Variants in SCFD2 observed in about 807,000 individuals in gnomAD.
SCFD2 encodes the protein sec1 family domain containing 2, also known as sec1 family domain-containing protein 2.
SCFD2 carries 54 observed loss-of-function variants against 58.9 expected under a neutral mutation model. The ratio of observed to expected loss-of-function variants is 0.92; its 90% confidence interval spans 0.74 to 1.15. SCFD2 has a LOEUF of 1.15. SCFD2 is among the 50% of genes most tolerant of loss of function. The pLI is 0.00. For missense variants in SCFD2, 805 were observed against 836.6 expected (o/e 0.96, Z 0.47); for synonymous variants, 321 against 335.9 (o/e 0.96, Z 0.49).
chr4:53,082,567 T>C (rs1207219144), intron 5 of SCFD2, among the ~76,000 whole-genome samples: 2 of 152,126 alleles, frequency 1.3e-5, no homozygotes, highest in East Asian at 1.9e-4. Flanking sequence ...AGTAAAACAT[T>C]ATTTTTATGT....
intron 4 of SCFD2, among the ~76,000 whole-genome samples, chr4:53,254,520 G>A (rs935227768): frequency 1.4e-5 from 2 of 144,788 alleles, no homozygotes; most frequent in Admixed American, 7.0e-5. Context: ...TTCATTTTTA[G>A]TAGAGATGGG....
At chr4:53,360,104 A>T (rs1029765668) in intron 1 of SCFD2, among the ~76,000 whole-genome samples, 24 of 152,224 alleles carry the variant, frequency 1.6e-4, no homozygotes, top group Non-Finnish European at 3.5e-4. Context: ...TCACTAATAC[A>T]GAAGTACTTC....
chr4:53,287,130 ACACT>A (rs1354726533), intron 3 of SCFD2, among the ~76,000 whole-genome samples: 2 of 152,148 alleles, frequency 1.3e-5, no homozygotes, highest in African/African-American at 4.8e-5. Flanking sequence ...GGAGTGCCTC[ACACT>A]CACAGTCCCC....
chr4:53,130,143 TA>T (rs1411122928), intron 5 of SCFD2, among the ~76,000 whole-genome samples: 1 of 152,196 alleles, frequency 6.6e-6, no homozygotes, highest in East Asian at 1.9e-4. Context: ...TATTCTAAAA[TA>T]AAAAAGTATG....
rs147230595 is a variant in SCFD2 at position 53,300,202 on chromosome 4, C to T, written c.1135+13434G>A. On this transcript the variant is annotated intron_variant, in intron 3 of 8. Transcript: ENST00000401642. ...CATCAGTATGCTGTATTCAGGAAAC[C>T]CATCTCACGTGCAGAGACACACACA... Among the ~76,000 whole-genome samples, 1,085 of 152,154 alleles carry T rather than the reference C, an allele frequency of 7.1e-3. 16 individuals carry two copies. The highest frequency in any genetic ancestry group is 0.044 in the East Asian group (226 of 5,182).
At chr4:52,959,985 G>A (rs1259757949) in intron 5 of SCFD2, among the ~76,000 whole-genome samples, 3 of 151,806 alleles carry the variant, frequency 2.0e-5, no homozygotes, top group African/African-American at 4.8e-5. Context: ...CAATGTGAGA[G>A]AAAATAGGCT....
At chr4:53,097,498 A>G (rs1724689294) in intron 5 of SCFD2, among the ~76,000 whole-genome samples, 1 of 152,218 alleles carries the variant, frequency 6.6e-6, no homozygotes, top group Non-Finnish European at 1.5e-5. Context: ...GAGTTCACTC[A>G]TGATTTGGCT....
chr4:53,080,014 T>C (rs1387248422), intron 5 of SCFD2, among the ~76,000 whole-genome samples: 2 of 152,230 alleles, frequency 1.3e-5, no homozygotes, highest in Non-Finnish European at 2.9e-5. Context: ...GTAACACATA[T>C]AGACAGATGG....
chr4:53,365,811 C>A lies in SCFD2; in HGVS notation c.131G>T (p.Arg44Leu). 1 of 1,614,002 alleles carries A rather than the reference C, an allele frequency of 6.2e-7. No individual in the cohort carries two copies. The highest frequency in any genetic ancestry group is 1.7e-5 in the Admixed American group (1 of 60,020). Residue 44 changes from arginine (R) to leucine (L), a missense_variant, in exon 1 of 9, where the codon CGT (arginine) becomes CTT (leucine). Arg to Leu is a moderately radical substitution (Grantham distance 102, BLOSUM62 -2). This residue lies in a region of SCFD2 where 155 missense variants were observed against 149.7 expected (regional missense o/e 1.04). Transcript: ENST00000401642. This position sits in a 1 kb window ranked among gnomAD's most constrained non-coding sequence, Gnocchi z 4.3. ...ESLHWGCGST[R>L]LLEAVGGPDC... ...AGGACCCCCCACCGCCTCCAGGAGA[C>A]GGGTGGATCCGCAGCCCCAGTGCAG...
At chr4:53,247,287 T>C (rs896379849) in intron 4 of SCFD2, among the ~76,000 whole-genome samples, 5 of 152,168 alleles carry the variant, frequency 3.3e-5, no homozygotes, top group Non-Finnish European at 7.3e-5. Context: ...AATGGAACAC[T>C]TGTACACTGT....
chr4:53,285,952 C>T (rs1285722498), intron 3 of SCFD2, among the ~76,000 whole-genome samples: 1 of 152,178 alleles, frequency 6.6e-6, no homozygotes, highest in East Asian at 1.9e-4. Flanking sequence ...TCCCCACAAC[C>T]CCGTGGCCCA....
chr4:52,942,141 T>C (rs1177621269), intron 5 of SCFD2, among the ~76,000 whole-genome samples: 1 of 152,148 alleles, frequency 6.6e-6, no homozygotes, highest in Non-Finnish European at 1.5e-5. Context: ...GATTGGAGTA[T>C]ACAGAAAGTG....
chr4:52,876,737 G>A (rs1046821186), intron 8 of SCFD2, among the ~76,000 whole-genome samples: 4 of 115,718 alleles, frequency 3.5e-5, no homozygotes, highest in Admixed American at 1.2e-4. Context: ...GTAACAGAGC[G>A]AAACTCTGTC....
At chr4:52,948,374 C>T (rs1720496916) in intron 5 of SCFD2, 3 of 302,398 alleles carry the variant, frequency 9.9e-6, no homozygotes, top group Non-Finnish European at 1.3e-5. Flanking sequence ...ATAGAAGAAA[C>T]AAGTGATTTC....
chr4:53,128,182 C>T (rs973767964), intron 5 of SCFD2, among the ~76,000 whole-genome samples: 1 of 151,354 alleles, frequency 6.6e-6, no homozygotes, highest in Non-Finnish European at 1.5e-5. Flanking sequence ...AAAGATAATA[C>T]TAAGGAAGTA....
chr4:53,204,419 T>C (rs1214570626), intron 4 of SCFD2, among the ~76,000 whole-genome samples: 1 of 151,192 alleles, frequency 6.6e-6, no homozygotes, highest in Admixed American at 6.6e-5. Flanking sequence ...TACAGACATG[T>C]ACACATATAA....
At chr4:53,021,820 C>CA (rs929041474) in intron 5 of SCFD2, among the ~76,000 whole-genome samples, 2 of 152,138 alleles carry the variant, frequency 1.3e-5, no homozygotes, top group African/African-American at 4.8e-5. Context: ...ACAGTGCCGA[C>CA]AGAAGAATAT....
chr4:52,940,092 G>C (rs1306237420), intron 5 of SCFD2, among the ~76,000 whole-genome samples: 1 of 152,194 alleles, frequency 6.6e-6, no homozygotes, highest in Non-Finnish European at 1.5e-5. Flanking sequence ...TTCCCTGCTG[G>C]GCTACGACTC....
At chr4:53,303,376 G>C (rs1308371430) in intron 3 of SCFD2, among the ~76,000 whole-genome samples, 1 of 152,182 alleles carries the variant, frequency 6.6e-6, no homozygotes, top group African/African-American at 2.4e-5. Flanking sequence ...GGTCATCAGA[G>C]AAATGCAAAT....
Sources: gnomAD v4.1 joint callset for allele counts (sites outside exome capture counted in the v4.1 genomes callset) on GRCh38, gnomAD v4.1.1 for gene constraint, gnomAD v4.1.1 regional missense constraint, Gnocchi (gnomAD v3.1) non-coding constraint, MANE v1.5 for transcripts, NCBI Gene and HGNC (gene_info 2026-07-23, HGNC 2026-07-21) for gene names.